TNC: variants seen among roughly 807,000 people sequenced by gnomAD.
TNC encodes tenascin.
A neutral mutation model predicts 202.4 loss-of-function variants in TNC; 109 were observed. The ratio of observed to expected loss-of-function variants is 0.54; its 90% CI spans 0.46 to 0.63. TNC has a LOEUF of 0.63. TNC is among the 30% of genes least tolerant of loss of function. TNC has a pLI of 0.00. For synonymous variants in TNC, 1,007 were observed against 1,089.7 expected, an observed-to-expected ratio of 0.92 and a Z score of 1.50; for missense variants, 2,756 against 2,833.3, an observed-to-expected ratio of 0.97 and a Z score of 0.62.
chr9:115,052,803 T>A (rs1442333185), intron 15 of TNC: 3 of 702,586 alleles, frequency 4.3e-6, no homozygotes. Context: ...CCTGCCACAC[T>A]GACGTCATAG....
At chr9:115,041,553 A>G (rs4300068) in intron 18 of TNC, among the ~76,000 whole-genome samples, 31,868 of 152,170 alleles carry the variant, frequency 0.21, 3,381 homozygotes, top group African/African-American at 0.24. Context: ...TGCAGTGTTT[A>G]TTAATAAACA....
chr9:115,098,884 CT>C (rs1835994820), intron 1 of TNC, among the ~76,000 whole-genome samples: 2 of 150,318 alleles, frequency 1.3e-5, no homozygotes, highest in Non-Finnish European at 1.5e-5. Flanking sequence ...CCATAAATTC[CT>C]TTTTGGAATG....
rs1830322386 is a variant in TNC at position 115,036,246 on chromosome 9, A to C, written c.5513-5T>G. ...CCGTGCGTGTAATTTCTGGCACTAA[A>C]CATGAAATACACATACCAAGGCAGT... On this transcript the variant is annotated splice_region_variant and splice_polypyrimidine_tract_variant and intron_variant, in intron 20 of 27. Coordinates refer to ENST00000350763, the MANE Select transcript of TNC (RefSeq NM_002160.4). 2 of 1,613,932 alleles carry C rather than the reference A, an allele frequency of 1.2e-6. No homozygotes were observed. Among genetic ancestry groups the C allele is most frequent in the African/African-American group, 2.7e-5 (2 of 74,914 alleles).
At chr9:115,042,372 G>T in intron 17 of TNC, 31 bp from the exon 18 acceptor site, 1 of 1,611,926 alleles carries the variant, frequency 6.2e-7, no homozygotes, top group Non-Finnish European at 8.5e-7. Context: ...GAGAAGCCCA[G>T]AAACAGTTAA....
chr9:115,068,871 T>C (rs1490765237), intron 10 of TNC, among the ~76,000 whole-genome samples: 1 of 152,168 alleles, frequency 6.6e-6, no homozygotes, highest in Non-Finnish European at 1.5e-5. Flanking sequence ...CTCCAGTGCT[T>C]TTCATTCCCT....
At chr9:115,095,600 A>G (rs1415392625) in intron 1 of TNC, among the ~76,000 whole-genome samples, 32 of 2,156 alleles carry the variant, frequency 0.015, 7 homozygotes, top group African/African-American at 0.031. Flanking sequence ...ATATATGTAT[A>G]TATATATGTA....
intron 15 of TNC, chr9:115,055,755 CAAGAAAAAA>C (rs1057445232): frequency 2.0e-5 from 3 of 151,122 alleles, no homozygotes; most frequent in Non-Finnish European, 4.4e-5. Flanking sequence ...GCTACTAAAG[CAAGAAAAAA>C]AAGAAAAAAG....
chr9:115,073,688 C>G lies in TNC; in HGVS notation c.3129G>C (p.Leu1043=). The stretch of plus-strand genomic sequence containing the variant: ...GGACATTGTACTCCTGTCCTGGTTC[C>G]AGGCCTCTCAGGACATAGGAAGTGG... The part of the protein sequence containing the change: ...RNTTSYVLRG[L]EPGQEYNVLL... Residue 1043 remains leucine (L), a synonymous_variant, in exon 10 of 28, where the codon CTG becomes CTC. Coordinates refer to ENST00000350763, the MANE Select transcript of TNC (RefSeq NM_002160.4). 1 of 1,614,152 alleles carries G rather than the reference C, an allele frequency of 6.2e-7. No individual in the cohort carries two copies. Among genetic ancestry groups the G allele is most frequent in the Non-Finnish European group, 8.5e-7 (1 of 1,180,008 alleles).
chr9:115,072,966 T>C (rs1168715031), intron 10 of TNC, among the ~76,000 whole-genome samples: 1 of 152,162 alleles, frequency 6.6e-6, no homozygotes, highest in Non-Finnish European at 1.5e-5. Flanking sequence ...ACAGGTTGCA[T>C]GGGCCAGAAT....
intron 26 of TNC, among the ~76,000 whole-genome samples, chr9:115,025,261 TA>T (rs1829391057): frequency 6.6e-6 from 1 of 152,212 alleles, no homozygotes; most frequent in Admixed American, 6.5e-5. Context: ...CATTTCCAGG[TA>T]ATAAAATGCC....
chr9:115,052,124 G>A (rs1373646882), intron 15 of TNC, among the ~76,000 whole-genome samples: 1 of 150,282 alleles, frequency 6.7e-6, no homozygotes, highest in African/African-American at 2.4e-5. Flanking sequence ...ATACTTTATA[G>A]CCTTAAAAAA....
Position 115,078,110 on chromosome 9 carries a change from G to GTCAGCTCAATGCCATCGATC in TNC, c.2487_2506dup (p.Thr836ArgfsTer7). 1.2e-6 allele frequency: 2 copies of GTCAGCTCAATGCCATCGATC among 1,614,216 alleles called. No individual in the cohort carries two copies. The highest frequency in any genetic ancestry group is 1.7e-6 in the Non-Finnish European group (2 of 1,180,034). On this transcript the variant is annotated stop_gained and frameshift_variant, in exon 7 of 28. Coordinates refer to ENST00000350763, the MANE Select transcript of TNC (RefSeq NM_002160.4). LOFTEE classifies it high-confidence loss of function. ...TCCTGGCACGTCTTTGATGCCGTAGGTCAGCTCAATGCCATCGATCTCAGC... is the reference window on the plus strand; with the variant it reads ...TCCTGGCACGTCTTTGATGCCGTAGGTCAGCTCAATGCCATCGATCTCAGCTCAATGCCATCGATCTCAGC...
At chr9:115,111,803 T>C (rs1466489643) in intron 1 of TNC, among the ~76,000 whole-genome samples, 4 of 151,934 alleles carry the variant, frequency 2.6e-5, no homozygotes, top group Non-Finnish European at 5.9e-5. Flanking sequence ...ACCAACAGCT[T>C]TGAAGGAACT....
Position 115,042,273 on chromosome 9 carries a change from C to T in TNC, c.5194G>A (p.Ala1732Thr). The change falls in exon 18 of 28, where the codon GCA (alanine) becomes ACA (threonine). Residue 1732 changes from alanine (A) to threonine (T), a missense_variant. Physicochemically the swap from Ala to Thr is moderately conservative, Grantham distance 58. Coordinates refer to ENST00000350763, the MANE Select transcript of TNC (RefSeq NM_002160.4). Reference sequence around the variant, plus strand: ...AAGCTCTCCACTTGGGCTGTGGGTGCCCTCCAGCTGACAGTAGCCGAATTT... The same window carrying T: ...AAGCTCTCCACTTGGGCTGTGGGTGTCCTCCAGCTGACAGTAGCCGAATTT... ...TENSATVSWRAPTAQVESFRI... is the reference protein window; with the variant it reads ...TENSATVSWRTPTAQVESFRI... 6.2e-7 allele frequency: 1 copy of T among 1,614,140 alleles called. No homozygotes were observed. The highest frequency in any genetic ancestry group is 8.5e-7 in the Non-Finnish European group (1 of 1,179,988).
intron 16 of TNC, among the ~76,000 whole-genome samples, chr9:115,047,877 A>T (rs1831326100): frequency 6.6e-6 from 1 of 152,152 alleles, no homozygotes; most frequent in Non-Finnish European, 1.5e-5. Flanking sequence ...TGAGATGGCA[A>T]AAGTTTTAAA....
At chr9:115,100,672 TTAA>T (rs1484580277) in intron 1 of TNC, among the ~76,000 whole-genome samples, 1 of 152,156 alleles carries the variant, frequency 6.6e-6, no homozygotes, top group Non-Finnish European at 1.5e-5. Context: ...GTGACTACAG[TTAA>T]TAATAATGCA....
rs140193877 is a variant in TNC, at chr9:115,098,764, C to A, written c.-136-7610G>T. Among the ~76,000 whole-genome samples the A allele has an allele frequency of 2.1e-3, 327 of 152,202 alleles. 2 individuals are homozygous for A. Among genetic ancestry groups the A allele is most frequent in the African/African-American group, 7.6e-3 (316 of 41,508 alleles). ...GCAGCTTACACCAAATTTTTCTTCT[C>A]GCTTACAGGCCAAAGAGTTTTATTG... On this transcript the variant is annotated intron_variant, in intron 1 of 27. Transcript: ENST00000350763.
chr9:115,021,958 C>T (rs1829105920), intron 27 of TNC, among the ~76,000 whole-genome samples: 2 of 152,170 alleles, frequency 1.3e-5, no homozygotes, highest in Admixed American at 1.3e-4. Flanking sequence ...GTAAATATTA[C>T]TTCCCTAGTC....
At chr9:115,073,457 T>C (rs985219281) in intron 10 of TNC, 146 bp downstream of exon 10, 3 of 898,640 alleles carry the variant, frequency 3.3e-6, no homozygotes, top group African/African-American at 3.3e-5. Context: ...TAAGCAGCCC[T>C]TTCAAAGTGG....
Sources: allele counts gnomAD v4.1 joint callset (sites outside exome capture counted in the v4.1 genomes callset), GRCh38; gene constraint gnomAD v4.1.1; transcripts MANE v1.5; gene names NCBI Gene and HGNC (gene_info 2026-07-23, HGNC 2026-07-21).